The following KRT82 variants were observed in gnomAD, a reference collection of about 807,000 sequenced individuals.
The protein encoded by KRT82 is keratin, type II cuticular Hb2.
Under a neutral mutation model 48.0 loss-of-function variants are expected in KRT82, and 44 were observed. The observed-to-expected ratio is 0.92, with a 90% CI of 0.72 to 1.18. The LOEUF (loss-of-function observed/expected upper bound fraction) is 1.18. Ranked by LOEUF, KRT82 falls within the 50% of genes most tolerant of loss-of-function variation. KRT82 has a pLI of 0.00. For synonymous variants in KRT82, 297 were observed against 278.3 expected, an observed-to-expected ratio of 1.07 and a Z score of -0.67; for missense variants, 701 against 671.4, an observed-to-expected ratio of 1.04 and a Z score of -0.49.
chr12:52,401,721 A>G lies in KRT82; in HGVS notation c.621-372T>C, dbSNP rs1939793057. 7.2e-5 allele frequency among the ~76,000 whole-genome samples: 11 copies of G among 152,082 alleles called. 1 individual carries two copies. Among genetic ancestry groups the G allele is most frequent in the Admixed American group, 7.2e-4 (11 of 15,266 alleles). On this transcript the variant is annotated intron_variant, in intron 2 of 8. Coordinates refer to ENST00000257974, the MANE Select transcript of KRT82 (RefSeq NM_033033.4). ...CTAGCTGTTTTTTTCTGAGTCACTGAAATTCCCGGCTGACCCTGTGCATCC... is the reference window on the plus strand; with the variant it reads ...CTAGCTGTTTTTTTCTGAGTCACTGGAATTCCCGGCTGACCCTGTGCATCC...
At chr12:52,398,853 C>T (rs1469467848) in intron 5 of KRT82, among the ~76,000 whole-genome samples, 1 of 152,116 alleles carries the variant, frequency 6.6e-6, no homozygotes, top group African/African-American at 2.4e-5. Flanking sequence ...GTGACCTGGC[C>T]TCAAGCTACC....
In KRT82 at chr12:52,406,090, C is replaced by T. The variant is rs757076531; in HGVS notation, c.188G>A (p.Gly63Glu). Residue 63 changes from glycine (G) to glutamate (E), a missense_variant, in exon 1 of 9, where the codon GGG becomes GAG. Gly to Glu is a moderately conservative substitution (Grantham distance 98). Coordinates refer to ENST00000257974, the MANE Select transcript of KRT82 (RefSeq NM_033033.4). ...GSRSLCNVGF[G>E]RPRVASRCGG... is the part of the protein sequence containing the mutation. The stretch of plus-strand genomic sequence containing the variant: ...ACACCTGGAGGCTACCCGGGGCCTC[C>T]CAAAGCCCACGTTGCACAGGCTCCG... 1 of 1,613,520 alleles carries T rather than the reference C, an allele frequency of 6.2e-7. No homozygotes were observed. The highest frequency in any genetic ancestry group is 2.2e-5 in the East Asian group (1 of 44,872).
rs1939764860 is a variant in KRT82, at chr12:52,400,005, C to T, written c.922G>A (p.Glu308Lys). Residue 308 changes from glutamate to lysine, a missense_variant, in exon 5 of 9, where the codon GAG (glutamate) becomes AAG (lysine). Glu to Lys is a moderately conservative substitution (Grantham distance 56). Coordinates refer to ENST00000257974, the MANE Select transcript of KRT82 (RefSeq NM_033033.4). ...CTCACCCGGCACTGGTACCAGGCCTCTGCTTCGGCTTTGCTGCGGCTGGCG... is the reference window on the plus strand; with the variant it reads ...CTCACCCGGCACTGGTACCAGGCCTTTGCTTCGGCTTTGCTGCGGCTGGCG... ...DIASRSKAEA[E>K]AWYQCRYEEL... is the part of the protein sequence containing the mutation. 3.1e-6 allele frequency: 5 copies of T among 1,614,138 alleles called. No individual in the cohort carries two copies. The highest frequency in any genetic ancestry group is 1.1e-5 in the South Asian group (1 of 91,074).
intron 5 of KRT82, among the ~76,000 whole-genome samples, chr12:52,398,942 G>C (rs947953432): frequency 6.6e-6 from 1 of 152,082 alleles, no homozygotes; most frequent in African/African-American, 2.4e-5. Context: ...CTGCTGCTCA[G>C]CCTGGCACAC....
chr12:52,403,781 C>T lies in KRT82; in HGVS notation c.540G>A (p.Leu180=). The change falls in exon 2 of 9, where the codon CTG becomes CTA. Residue 180 remains leucine (L), a synonymous_variant. Transcript: ENST00000257974. Reference sequence around the variant, plus strand: ...TCACGCGGTCCCCGGACACACAGTCCAGCTGCCGCCGAAGGGCGCTGATAT... The same window carrying T: ...TCACGCGGTCCCCGGACACACAGTCTAGCTGCCGCCGAAGGGCGCTGATAT... ...EGYISALRRQ[L]DCVSGDRVRL... The T allele has an allele frequency of 1.9e-6, 3 of 1,613,604 alleles. No homozygotes were observed. Among genetic ancestry groups the T allele is most frequent in the Non-Finnish European group, 2.5e-6 (3 of 1,180,016 alleles).
At chr12:52,401,160 T>G (rs942766667) in intron 3 of KRT82, 129 bp downstream of exon 3, 1 of 688,588 alleles carries the variant, frequency 1.5e-6, no homozygotes, top group Non-Finnish European at 2.5e-6. Context: ...GGCACAGGAG[T>G]CTGAGGGGCG....
chr12:52,396,918 G>A lies in KRT82; in HGVS notation c.1033C>T (p.Arg345Trp), dbSNP rs371847183. The A allele has an allele frequency of 4.5e-5, 72 of 1,613,984 alleles. No homozygotes were observed. The highest frequency in any genetic ancestry group is 5.2e-5 in the Non-Finnish European group (61 of 1,180,024). The change falls in exon 6 of 9, where the codon CGG becomes TGG. Residue 345 changes from arginine (R) to tryptophan (W), a missense_variant. Coordinates refer to ENST00000257974, the MANE Select transcript of KRT82 (RefSeq NM_033033.4). ...ACATTCTCGGTTTCTTGCTGCAGCC[G>A]CTGGATCAGTTTATTCATTTCCAGG... ...EILEMNKLIQ[R>W]LQQETENVKA...
In KRT82 at chr12:52,395,773, C is replaced by T. The variant is rs1445119201; in HGVS notation, c.1307G>A (p.Gly436Glu). Residue 436 changes from glycine (G) to glutamate (E), a missense_variant, in exon 8 of 9, where the codon GGG becomes GAG. By Grantham distance (98) the Gly-to-Glu change is moderately conservative (BLOSUM62 -2). Transcript: ENST00000257974. ...GEEHRLCEGI[G>E]PVNISVSSSK... ...CATCTACTTACAGATATTCACGGGC[C>T]CGATGCCTTCGCACAGCCTGGGGAT... The T allele has an allele frequency of 6.4e-7, 1 of 1,553,806 alleles. No individual in the cohort carries two copies. The highest frequency in any genetic ancestry group is 2.3e-5 in the East Asian group (1 of 44,424).
chr12:52,404,306 T>C (rs182577999), intron 1 of KRT82, among the ~76,000 whole-genome samples: 1 of 152,332 alleles, frequency 6.6e-6, no homozygotes, highest in East Asian at 1.9e-4. Context: ...GGGACTCTGT[T>C]AACTTCATAC....
intron 2 of KRT82, among the ~76,000 whole-genome samples, chr12:52,401,623 C>A (rs57840648): frequency 0.048 from 7,372 of 152,286 alleles, 230 homozygotes; most frequent in African/African-American, 0.084. Context: ...CCTTCATTCT[C>A]TCTTGCTGCT....
intron 6 of KRT82, 25 bp downstream of exon 6, chr12:52,396,858 G>A: frequency 6.2e-7 from 1 of 1,612,636 alleles, no homozygotes; most frequent in Non-Finnish European, 8.5e-7. Context: ...GGCTGTTGCA[G>A]CAAGGAAGTC....
intron 5 of KRT82, among the ~76,000 whole-genome samples, chr12:52,398,152 G>A (rs1489877483): frequency 6.6e-6 from 1 of 152,202 alleles, no homozygotes; most frequent in Non-Finnish European, 1.5e-5. Context: ...GCCCAGATAA[G>A]AGAATATTTC....
In KRT82 at chr12:52,400,035, C is replaced by T. The variant is rs774205887; in HGVS notation, c.892G>A (p.Asp298Asn). The T allele has an allele frequency of 1.1e-5, 18 of 1,614,062 alleles. No individual in the cohort carries two copies. Among genetic ancestry groups the T allele is most frequent in the South Asian group, 6.6e-5 (6 of 91,076 alleles). Residue 298 changes from aspartate (D) to asparagine (N), a missense_variant, in exon 5 of 9, where the codon GAC (aspartate) becomes AAC (asparagine). Coordinates refer to ENST00000257974, the MANE Select transcript of KRT82 (RefSeq NM_033033.4). ...IIAEIKAQYD[D>N]IASRSKAEAE... Reference sequence around the variant, plus strand: ...TCGGCTTTGCTGCGGCTGGCGATGTCGTCATACTGCGCCTTGATCTCAGCG... The same window carrying T: ...TCGGCTTTGCTGCGGCTGGCGATGTTGTCATACTGCGCCTTGATCTCAGCG...
chr12:52,398,067 C>CA (rs570920841), intron 5 of KRT82, among the ~76,000 whole-genome samples: 117 of 152,122 alleles, frequency 7.7e-4, no homozygotes, highest in Non-Finnish European at 1.5e-3. Flanking sequence ...AACAAACAAA[C>CA]AAAAAACAAA....
At chr12:52,396,816 G>A in intron 6 of KRT82, 67 bp downstream of exon 6, 1 of 1,591,086 alleles carries the variant, frequency 6.3e-7, no homozygotes. Context: ...AACCCGCCCT[G>A]CACGGCACAG....
intron 8 of KRT82, 108 bp from the exon 9 acceptor site, chr12:52,395,303 C>T (rs1939698028): frequency 2.3e-6 from 2 of 860,794 alleles, no homozygotes; most frequent in East Asian, 5.3e-5. Flanking sequence ...CCACTCACCT[C>T]TACAGACACC....
In KRT82 at chr12:52,395,034, C is replaced by A. The variant is rs374915649; in HGVS notation, c.1483G>T (p.Gly495Trp). Residue 495 changes from glycine (G) to tryptophan (W), a missense_variant, in exon 9 of 9, where the codon GGG (glycine) becomes TGG (tryptophan). By Grantham distance (184) the Gly-to-Trp change is radical (BLOSUM62 -2). Transcript: ENST00000257974. The stretch of plus-strand genomic sequence containing the variant: ...CCTAGCGTCATGCTGGATTTCCGCC[C>A]GCTCCCACAGCTCAGTAGCCCCTGG... ...EPQGLLSCGSGRKSSMTLGAG... is the reference protein window; with the variant it reads ...EPQGLLSCGSWRKSSMTLGAG... The A allele has an allele frequency of 3.7e-6, 6 of 1,613,862 alleles. No homozygotes were observed. The highest frequency in any genetic ancestry group is 1.6e-4 in the Middle Eastern group (1 of 6,082).
Position 52,400,599 on chromosome 12 carries a change from C to A in KRT82, c.705G>T (p.Met235Ile), listed in dbSNP as rs1268816483. ...CTGCGTTGGTCTCCAGGTCAGCCTT[C>A]ATCAGGAAGGCTGTGTCCACGTCCT... ...LKKDVDTAFL[M>I]KADLETNAEA... Residue 235 changes from methionine (M) to isoleucine (I), a missense_variant, in exon 4 of 9, where the codon ATG becomes ATT. Coordinates refer to ENST00000257974, the MANE Select transcript of KRT82 (RefSeq NM_033033.4). 2 of 1,614,004 alleles carry A rather than the reference C, an allele frequency of 1.2e-6. No homozygotes were observed. Among genetic ancestry groups the A allele is most frequent in the Admixed American group, 1.7e-5 (1 of 60,036 alleles).
chr12:52,397,840 A>G (rs1360404482), intron 5 of KRT82, among the ~76,000 whole-genome samples: 1 of 152,224 alleles, frequency 6.6e-6, no homozygotes, highest in African/African-American at 2.4e-5. Flanking sequence ...TGAGGTCAAG[A>G]GTTCAAGACC....
Sources: gnomAD v4.1 joint callset for allele counts (sites outside exome capture counted in the v4.1 genomes callset) on GRCh38, gnomAD v4.1.1 for gene constraint, MANE v1.5 for transcripts, NCBI Gene and HGNC (gene_info 2026-07-23, HGNC 2026-07-21) for gene names.